The following UGT1A9 variants were observed in gnomAD, a reference collection of about 807,000 sequenced individuals.
UGT1A9 encodes the protein UDP-glucuronosyltransferase 1A9.
A neutral mutation model predicts 45.0 loss-of-function variants in UGT1A9; 35 were observed. That is an observed-to-expected ratio of 0.78 (90% confidence interval 0.59 to 1.03). UGT1A9 has a LOEUF of 1.03. Among genes scored for constraint, UGT1A9 ranks in the 50% least tolerant of loss-of-function variants. The pLI is 0.00. For missense variants in UGT1A9, 687 were observed against 666.6 expected, an observed-to-expected ratio of 1.03 and a Z score of -0.34; for synonymous variants, 278 against 250.6, an observed-to-expected ratio of 1.11 and a Z score of -1.03.
At chr2:233,766,924 A>T (rs985684086) in intron 1 of UGT1A9, 110 bp from the exon 2 acceptor site, 2 of 1,565,450 alleles carry the variant, frequency 1.3e-6, no homozygotes, top group East Asian at 4.5e-5. Context: ...TCAAACACGC[A>T]TGCCTTTAAT....
At chr2:233,729,584 C>T in intron 1 of UGT1A9, 7 of 1,614,090 alleles carry the variant, frequency 4.3e-6, no homozygotes, top group Non-Finnish European at 5.9e-6. Flanking sequence ...TTAACAGACC[C>T]CGTTAACCTC....
At chr2:233,741,101 A>C (rs559824040) in intron 1 of UGT1A9, among the ~76,000 whole-genome samples, 9 of 151,948 alleles carry the variant, frequency 5.9e-5, no homozygotes, top group Non-Finnish European at 8.8e-5. Context: ...GCAAACAGAC[A>C]ATCAAGCTTT....
chr2:233,721,741 A>C, intron 1 of UGT1A9: 1 of 434,764 alleles, frequency 2.3e-6, no homozygotes, highest in Non-Finnish European at 4.6e-6. Context: ...CTTAATGATG[A>C]GAGAATCTAC....
chr2:233,730,990 C>T (rs2078094709), intron 1 of UGT1A9, among the ~76,000 whole-genome samples: 1 of 152,140 alleles, frequency 6.6e-6, no homozygotes, highest in Non-Finnish European at 1.5e-5. Context: ...TTTCTTATTC[C>T]TTGCTGTGCC....
At position 233,713,984 on chromosome 2, in the gene UGT1A9, G is replaced by T. The variant is rs562772168; in HGVS notation, c.855+41195G>T. 6.3e-4 allele frequency: 992 copies of T among 1,585,892 alleles called. 2 individuals are homozygous for T. Among genetic ancestry groups the T allele is most frequent in the Non-Finnish European group, 8.0e-4 (939 of 1,166,642 alleles). ...GATTTCATTTCTGCTTCTCATTGTT[G>T]TAATAGTCTTCAGTGAGATAAACTT... On this transcript the variant is annotated intron_variant, in intron 1 of 4. Transcript: ENST00000354728.
intron 1 of UGT1A9, among the ~76,000 whole-genome samples, chr2:233,749,836 C>T (rs550199256): frequency 1.5e-4 from 23 of 152,008 alleles, no homozygotes; most frequent in South Asian, 8.3e-4. Context: ...TCATGTAAGA[C>T]GTGTCTTTGC....
chr2:233,675,743 T>C (rs1246714210), intron 1 of UGT1A9, among the ~76,000 whole-genome samples: 1 of 152,208 alleles, frequency 6.6e-6, no homozygotes, highest in Admixed American at 6.5e-5. Flanking sequence ...AATTCATCTA[T>C]CCCTTTATTC....
intron 1 of UGT1A9, chr2:233,743,626 G>C: frequency 7.3e-7 from 1 of 1,367,322 alleles, no homozygotes. Context: ...TGAAGACGTC[G>C]GCTGGGTCGC....
chr2:233,727,230 G>A (rs1426737314), intron 1 of UGT1A9, among the ~76,000 whole-genome samples: 1 of 152,174 alleles, frequency 6.6e-6, no homozygotes, highest in Non-Finnish European at 1.5e-5. Context: ...ATATGCGGAT[G>A]GCTCCAAGTC....
At position 233,755,271 on chromosome 2, in the gene UGT1A9, C is replaced by T. The variant is rs549656252; in HGVS notation, c.856-11763C>T. ...CAGCACCTCGTAGTAGTCCACTATGCTGGACTGCCAAAGAGCCTGCGGGGC... is the reference window on the plus strand; with the variant it reads ...CAGCACCTCGTAGTAGTCCACTATGTTGGACTGCCAAAGAGCCTGCGGGGC... On this transcript the variant is annotated intron_variant, in intron 1 of 4. Transcript: ENST00000354728. The T allele has an allele frequency of 4.5e-5, 34 of 755,818 alleles. No individual in the cohort carries two copies. In the African/African-American group the frequency reaches 6.1e-4, roughly 13 times the overall value. 46.8% of individuals were successfully genotyped at this position (755,818 alleles called of 1,614,324 possible). A position where few individuals can be genotyped will look rare whatever the true frequency, so the allele number is the denominator to read the frequency against.
chr2:233,767,558 C>G (rs1283373150), intron 2 of UGT1A9, among the ~76,000 whole-genome samples: 3 of 152,208 alleles, frequency 2.0e-5, no homozygotes, highest in African/African-American at 7.2e-5. Context: ...TCTGCATCCA[C>G]TTGTTTCATT....
chr2:233,705,103 G>A (rs1056170321), intron 1 of UGT1A9, among the ~76,000 whole-genome samples: 8 of 150,714 alleles, frequency 5.3e-5, no homozygotes, highest in Non-Finnish European at 1.2e-4. Flanking sequence ...GCCATTGCAC[G>A]CCAGCCTGGG....
chr2:233,765,917 T>C (rs1002014731), intron 1 of UGT1A9, among the ~76,000 whole-genome samples: 3 of 151,992 alleles, frequency 2.0e-5, no homozygotes, highest in African/African-American at 7.3e-5. Context: ...TAGGGGAGCA[T>C]ACAGACGGGC....
chr2:233,772,746 T>C lies in UGT1A9; in HGVS notation c.*187T>C. On this transcript the variant is annotated 3_prime_UTR_variant, in exon 5 of 5. Coordinates refer to ENST00000354728, the MANE Select transcript of UGT1A9 (RefSeq NM_021027.3). ...ATAGACTCGCTAGTCAGTAAAGATA[T>C]TTGAATATGTATCGTGCCCCCTCTG... The C allele has an allele frequency of 7.0e-7, 1 of 1,422,530 alleles. No individual in the cohort carries two copies. 88.1% of individuals were successfully genotyped at this position (1,422,530 alleles called of 1,614,324 possible).
intron 1 of UGT1A9, among the ~76,000 whole-genome samples, chr2:233,761,761 G>A (rs990120638): frequency 6.6e-6 from 1 of 152,174 alleles, no homozygotes; most frequent in African/African-American, 2.4e-5. Flanking sequence ...TATGCAAAAA[G>A]TAGCATTCAC....
intron 1 of UGT1A9, among the ~76,000 whole-genome samples, chr2:233,690,289 G>A (rs1485479711): frequency 6.6e-6 from 1 of 152,136 alleles, no homozygotes; most frequent in Non-Finnish European, 1.5e-5. Flanking sequence ...AATCTTGCAG[G>A]TGGGTCCTGG....
intron 1 of UGT1A9, chr2:233,743,573 A>C (rs765598613): frequency 7.3e-7 from 1 of 1,367,260 alleles, no homozygotes; most frequent in Non-Finnish European, 9.8e-7. Context: ...CGGGTTTCCC[A>C]AGAGGTCAAA....
At chr2:233,697,683 TC>T (rs1346047688) in intron 1 of UGT1A9, among the ~76,000 whole-genome samples, 1 of 152,134 alleles carries the variant, frequency 6.6e-6, no homozygotes. Context: ...TCAAAATATT[TC>T]TGCTTTTTGG....
intron 3 of UGT1A9, 134 bp from the exon 4 acceptor site, chr2:233,768,086 A>C (rs1699559906): frequency 6.3e-7 from 1 of 1,591,310 alleles, no homozygotes; most frequent in Non-Finnish European, 8.6e-7. Context: ...ATCTCAACCC[A>C]CATTTTCTTC....
Sources: gnomAD v4.1 joint callset for allele counts (sites outside exome capture counted in the v4.1 genomes callset) on GRCh38, gnomAD v4.1.1 for gene constraint, MANE v1.5 for transcripts, NCBI Gene and HGNC (gene_info 2026-07-23, HGNC 2026-07-21) for gene names.